The following ASXL3 variants were observed in gnomAD, a reference collection of about 807,000 sequenced individuals.
ASXL3 encodes the protein putative Polycomb group protein ASXL3.
In ASXL3, 34 loss-of-function variants were observed where a neutral mutation model predicts 170.6. The ratio of observed to expected loss-of-function variants is 0.20; its 90% CI spans 0.15 to 0.27. ASXL3 has a LOEUF of 0.27. Ranked by LOEUF, ASXL3 falls within the 10% of genes least tolerant of loss-of-function variation. The pLI is 1.00. For missense variants in ASXL3, 2,592 were observed against 2,695.3 expected (o/e 0.96, Z 0.85); for synonymous variants, 1,002 against 989.1 (o/e 1.01, Z -0.24).
intron 1 of ASXL3, among the ~76,000 whole-genome samples, chr18:33,586,573 T>C (rs2065036744): frequency 6.6e-6 from 1 of 152,142 alleles, no homozygotes; most frequent in Non-Finnish European, 1.5e-5. Flanking sequence ...TTTAACTCTT[T>C]CCTGCTCACT....
chr18:33,628,044 G>T (rs1254340178), intron 2 of ASXL3, among the ~76,000 whole-genome samples: 3 of 152,188 alleles, frequency 2.0e-5, no homozygotes, highest in Non-Finnish European at 4.4e-5. Context: ...TGGCAAAAAG[G>T]CAGGAAACTA....
At chr18:33,701,480 A>G (rs1244942447) in intron 8 of ASXL3, among the ~76,000 whole-genome samples, 1 of 152,064 alleles carries the variant, frequency 6.6e-6, no homozygotes, top group African/African-American at 2.4e-5. Flanking sequence ...AATGCTTTTT[A>G]GTTTTCAGAG....
rs1338275589 is a variant in ASXL3, at chr18:33,740,332, G to A, written c.2928G>A (p.Lys976=). Residue 976 remains lysine (K), a synonymous_variant, in exon 11 of 12, where the codon AAG becomes AAA. Transcript: ENST00000269197. ...TAEQHSFGIC[K]EKRARIEDDQ... ...AGCAACACAGCTTTGGAATCTGTAA[G>A]GAAAAGAGAGCTAGGATAGAAGATG... 2 of 1,611,106 alleles carry A rather than the reference G, an allele frequency of 1.2e-6. No homozygotes were observed.
intron 1 of ASXL3, among the ~76,000 whole-genome samples, chr18:33,600,739 C>T (rs1376052650): frequency 6.6e-6 from 1 of 152,122 alleles, no homozygotes; most frequent in Non-Finnish European, 1.5e-5. Flanking sequence ...AGAATTTCAT[C>T]TGCAAATTCA....
rs756862061 is a variant in ASXL3, at chr18:33,739,755, A to G, written c.2351A>G (p.Asp784Gly). 7 of 1,613,752 alleles carry G rather than the reference A, an allele frequency of 4.3e-6. No homozygotes were observed. In the Admixed American group the frequency reaches 1.2e-4, roughly 27 times the overall value. Residue 784 changes from aspartate (D) to glycine (G), a missense_variant, in exon 11 of 12, where the codon GAT becomes GGT. Around this residue, in one of 4 missense-constraint regions of ASXL3, gnomAD observed 2,246 missense variants for 2,219.6 expected, o/e 1.01. Transcript: ENST00000269197. The part of the protein sequence containing the change: ...VSEEPLSPQK[D>G]ESSATAKPLG... ...GAAGAGCCACTCTCCCCGCAGAAAG[A>G]TGAGTCTTCCGCCACTGCCAAACCT...
At chr18:33,673,327 A>G (rs556435865) in intron 7 of ASXL3, among the ~76,000 whole-genome samples, 14 of 152,116 alleles carry the variant, frequency 9.2e-5, no homozygotes, top group African/African-American at 3.1e-4. Context: ...GAAAGTTACT[A>G]AGGTATACCC....
At chr18:33,591,108 C>T (rs1460597767) in intron 1 of ASXL3, among the ~76,000 whole-genome samples, 3 of 152,106 alleles carry the variant, frequency 2.0e-5, no homozygotes, top group African/African-American at 7.2e-5. Context: ...ATAATGATTC[C>T]TTATTTCATG....
In ASXL3 at chr18:33,738,616, G is replaced by A. The variant is rs1466822696; in HGVS notation, c.1212G>A (p.Gln404=). ...VSAQTALAEQ[Q]PKSMKSPASP... is the part of the protein sequence containing the mutation. Reference sequence around the variant, plus strand: ...CACAGACAGCCTTGGCAGAACAACAGCCAAAAAGCATGAAAAGCCCAGCTT... The same window carrying A: ...CACAGACAGCCTTGGCAGAACAACAACCAAAAAGCATGAAAAGCCCAGCTT... Residue 404 remains glutamine (Q), a synonymous_variant, in exon 11 of 12, where the codon CAG becomes CAA. Transcript: ENST00000269197. 6.2e-7 allele frequency: 1 copy of A among 1,613,900 alleles called. No individual in the cohort carries two copies. The highest frequency in any genetic ancestry group is 2.2e-5 in the East Asian group (1 of 44,872).
chr18:33,744,549 T>A lies in ASXL3; in HGVS notation c.4701T>A (p.Asp1567Glu). ...TCCGAGAATTACCCCTTGTTCCAGA[T>A]AAATTAAATGAGCCGACTGCTCCCA... ...TSLRELPLVP[D>E]KLNEPTAPSH... is the part of the protein sequence containing the mutation. The change falls in exon 12 of 12, where the codon GAT (aspartate) becomes GAA (glutamate). Residue 1567 changes from aspartate to glutamate, a missense_variant. This residue lies in a region of ASXL3 where 2,246 missense variants were observed against 2,219.6 expected (regional missense o/e 1.01). Transcript: ENST00000269197. 6.2e-7 allele frequency: 1 copy of A among 1,611,846 alleles called. No homozygotes were observed. Among genetic ancestry groups the A allele is most frequent in the Non-Finnish European group, 8.5e-7 (1 of 1,179,402 alleles).
chr18:33,585,993 A>T (rs939904876), intron 1 of ASXL3, among the ~76,000 whole-genome samples: 3 of 152,106 alleles, frequency 2.0e-5, no homozygotes, highest in African/African-American at 7.3e-5. Context: ...AAAAAATCAA[A>T]GTCAATCATA....
intron 2 of ASXL3, among the ~76,000 whole-genome samples, chr18:33,641,095 A>AT: frequency 6.6e-6 from 1 of 152,230 alleles, no homozygotes; most frequent in Middle Eastern, 3.4e-3. Flanking sequence ...TTCCAATTGC[A>AT]TTCCCCAGGT....
At chr18:33,683,012 G>A (rs2066538239) in intron 7 of ASXL3, among the ~76,000 whole-genome samples, 1 of 152,116 alleles carries the variant, frequency 6.6e-6, no homozygotes, top group South Asian at 2.1e-4. Context: ...CAGTACTGTT[G>A]TTTCTGTTAT....
chr18:33,685,318 C>T (rs1431824857), intron 8 of ASXL3, among the ~76,000 whole-genome samples: 1 of 152,218 alleles, frequency 6.6e-6, no homozygotes, highest in Non-Finnish European at 1.5e-5. Flanking sequence ...CATTCTCCTT[C>T]ACCACCTTGT....
chr18:33,710,476 A>G (rs980496880), intron 8 of ASXL3, among the ~76,000 whole-genome samples: 4 of 152,214 alleles, frequency 2.6e-5, no homozygotes, highest in African/African-American at 9.6e-5. Context: ...TTTCTCTTTC[A>G]GTGGGTCATA....
intron 7 of ASXL3, 139 bp from the exon 8 acceptor site, chr18:33,683,266 C>T: frequency 1.5e-6 from 1 of 660,008 alleles, no homozygotes. Flanking sequence ...TTCTGAAATA[C>T]CATTTGTAAA....
chr18:33,606,444 G>A (rs1354917546), intron 1 of ASXL3, among the ~76,000 whole-genome samples: 1 of 151,962 alleles, frequency 6.6e-6, no homozygotes, highest in South Asian at 2.1e-4. Context: ...GGCAGGCTGT[G>A]TGCAACACAC....
chr18:33,734,160 TAAAA>T lies in ASXL3; in HGVS notation c.977-148_977-145del, dbSNP rs1203455648. On this transcript the variant is annotated intron_variant, in intron 9 of 11. Transcript: ENST00000269197. Reference sequence around the variant, plus strand: ...TTATGAACATCTTGAGTGATGTTCATAAAAAGAGAAGATGTAGAAATGTTATCAT... The same window carrying T: ...TTATGAACATCTTGAGTGATGTTCATAGAGAAGATGTAGAAATGTTATCAT... 4 of 472,402 alleles carry T rather than the reference TAAAA, an allele frequency of 8.5e-6. No homozygotes were observed. In the Admixed American group the frequency reaches 1.7e-4, roughly 20 times the overall value. 29.3% of individuals were successfully genotyped at this position (472,402 alleles called of 1,614,324 possible).
At chr18:33,728,053 T>G (rs1315478235) in intron 8 of ASXL3, among the ~76,000 whole-genome samples, 1 of 152,168 alleles carries the variant, frequency 6.6e-6, no homozygotes, top group East Asian at 1.9e-4. Flanking sequence ...ATTTGTGTCT[T>G]AAAATTATGC....
chr18:33,684,634 C>A (rs553401522), intron 8 of ASXL3, among the ~76,000 whole-genome samples: 2 of 152,040 alleles, frequency 1.3e-5, no homozygotes, highest in East Asian at 3.9e-4. Context: ...TTAATATTTA[C>A]CCTGAATATG....
Sources: allele counts gnomAD v4.1 joint callset (sites outside exome capture counted in the v4.1 genomes callset), GRCh38; gene constraint gnomAD v4.1.1; regional missense constraint gnomAD v4.1.1; transcripts MANE v1.5; gene names NCBI Gene and HGNC (gene_info 2026-07-23, HGNC 2026-07-21).